Variants in TRIM5 observed in about 807,000 individuals in gnomAD.
The protein encoded by TRIM5 is tripartite motif containing 5.
A neutral mutation model predicts 35.6 loss-of-function variants in TRIM5; 31 were observed. That is an observed-to-expected ratio of 0.87 (90% confidence interval 0.65 to 1.18). The LOEUF (loss-of-function observed/expected upper bound fraction) is 1.18, where lower values mean the gene tolerates loss of function less well. TRIM5 is among the 50% of genes most tolerant of loss of function. TRIM5 has a pLI of 0.00. For missense variants in TRIM5, 609 were observed against 591.6 expected (o/e 1.03, Z -0.31); for synonymous variants, 243 against 215.6 (o/e 1.13, Z -1.11).
the TRIM5 span, among the ~76,000 whole-genome samples, chr11:5,638,993 T>G: frequency 6.6e-6 from 1 of 152,188 alleles, no homozygotes; most frequent in Non-Finnish European, 1.5e-5. Flanking sequence ...TTTCAATCTA[T>G]ATCTATCTTT....
At chr11:5,604,841 A>C in the TRIM5 span, 2 of 520,836 alleles carry the variant, frequency 3.8e-6, no homozygotes, top group Non-Finnish European at 6.6e-6. Flanking sequence ...AGACAATCAC[A>C]TAGCAGAGGA....
intron 4 of TRIM5, among the ~76,000 whole-genome samples, chr11:5,673,254 A>G (rs1180912285): frequency 6.6e-6 from 1 of 152,122 alleles, no homozygotes; most frequent in Non-Finnish European, 1.5e-5. Flanking sequence ...TGCAAGCAGT[A>G]ACCATAAGAC....
chr11:5,665,797 G>A lies in TRIM5; in HGVS notation c.869-115C>T, dbSNP rs1851087031. On this transcript the variant is annotated intron_variant, in intron 6 of 7. Transcript: ENST00000380034. ...ATGCCCTATGGTAGGGCAGTAAATT[G>A]CTGAATGATGAGATGAAACAGCCAC... The A allele has an allele frequency of 4.2e-6, 6 of 1,421,734 alleles. No homozygotes were observed. The East Asian group carries it at 1.2e-4, about 29-fold the overall frequency. 88.1% of individuals were successfully genotyped at this position (1,421,734 alleles called of 1,614,324 possible).
At chr11:5,608,429 G>C in the TRIM5 span, 2 of 1,612,186 alleles carry the variant, frequency 1.2e-6, no homozygotes, top group Non-Finnish European at 1.7e-6. Flanking sequence ...AGTTCCCCTG[G>C]ACTGACAAAT....
chr11:5,625,547 C>T, the TRIM5 span, among the ~76,000 whole-genome samples: 3 of 152,118 alleles, frequency 2.0e-5, no homozygotes, highest in Non-Finnish European at 4.4e-5. Flanking sequence ...CATGGGAGCA[C>T]GGCCAGGGGT....
the TRIM5 span, among the ~76,000 whole-genome samples, chr11:5,609,506 G>A: frequency 3.9e-5 from 6 of 152,086 alleles, no homozygotes; most frequent in African/African-American, 1.4e-4. Flanking sequence ...TCTTTTTTTA[G>A]AGGTAGCAAA....
chr11:5,670,323 T>A lies in TRIM5; in HGVS notation c.745-2612A>T, dbSNP rs190072810. Among the ~76,000 whole-genome samples, 727 of 148,096 alleles carry A rather than the reference T, an allele frequency of 4.9e-3. 2 individuals carry two copies. The highest frequency in any genetic ancestry group is 7.3e-3 in the Non-Finnish European group (483 of 66,478). On this transcript the variant is annotated intron_variant, in intron 4 of 7. Coordinates refer to ENST00000380034, the MANE Select transcript of TRIM5 (RefSeq NM_033034.3). The stretch of plus-strand genomic sequence containing the variant: ...CTCCCGAGTAGCTGGGACTACAGGC[T>A]CCCACCACCACACCCAGCTAATTTT...
At chr11:5,611,433 T>C in the TRIM5 span, 16 of 1,150,610 alleles carry the variant, frequency 1.4e-5, no homozygotes, top group South Asian at 2.3e-4. Context: ...TTCTGTGTTC[T>C]CAATTCTTTT....
the TRIM5 span, chr11:5,644,381 T>C: frequency 5.0e-6 from 2 of 396,904 alleles, no homozygotes; most frequent in Non-Finnish European, 8.9e-6. Context: ...AAATATTTGC[T>C]CTCATGATTG....
At chr11:5,647,399 A>C in the TRIM5 span, among the ~76,000 whole-genome samples, 1 of 152,232 alleles carries the variant, frequency 6.6e-6, no homozygotes, top group Non-Finnish European at 1.5e-5. Context: ...TTTTAAATCT[A>C]AATAGAATCA....
chr11:5,602,314 G>A, the TRIM5 span, among the ~76,000 whole-genome samples: 2 of 151,962 alleles, frequency 1.3e-5, no homozygotes, highest in African/African-American at 2.4e-5. Flanking sequence ...ATAGTGGCAG[G>A]CACCTGTAAT....
the TRIM5 span, among the ~76,000 whole-genome samples, chr11:5,653,148 G>A: frequency 1.3e-5 from 2 of 152,222 alleles, no homozygotes; most frequent in Non-Finnish European, 2.9e-5. Context: ...CACTGTACCC[G>A]GCCATCTCTG....
At chr11:5,606,040 A>G in the TRIM5 span, among the ~76,000 whole-genome samples, 1 of 152,316 alleles carries the variant, frequency 6.6e-6, no homozygotes, top group African/African-American at 2.4e-5. Context: ...GGGTGAACAC[A>G]GTGCTCTCCC....
the TRIM5 span, among the ~76,000 whole-genome samples, chr11:5,596,399 CTA>C: frequency 0.97 from 146,522 of 151,236 alleles, 71,143 homozygotes; most frequent in Middle Eastern, 1. Context: ...AACCTCTATT[CTA>C]CAAGCTGAAG....
At chr11:5,635,673 C>T in the TRIM5 span, among the ~76,000 whole-genome samples, 1 of 152,194 alleles carries the variant, frequency 6.6e-6, no homozygotes, top group East Asian at 1.9e-4. Flanking sequence ...CAAATATTTC[C>T]TTTTTAAGAT....
At chr11:5,619,278 T>G in the TRIM5 span, among the ~76,000 whole-genome samples, 6 of 152,224 alleles carry the variant, frequency 3.9e-5, no homozygotes, top group African/African-American at 1.4e-4. Flanking sequence ...CAAAACAGTT[T>G]CAGTGGTAAC....
chr11:5,641,853 C>G, the TRIM5 span, among the ~76,000 whole-genome samples: 1 of 152,176 alleles, frequency 6.6e-6, no homozygotes, highest in African/African-American at 2.4e-5. Flanking sequence ...GTTGTCATAA[C>G]TTCTCCTTTG....
At chr11:5,660,007 C>T (rs192366442), downstream of TRIM5, among the ~76,000 whole-genome samples, 722 of 151,974 alleles carry the variant, frequency 4.8e-3, 9 homozygotes, top group African/African-American at 0.016. Flanking sequence ...AACGGAGTCT[C>T]GCTCTGTCGC....
At chr11:5,626,349 C>T in the TRIM5 span, among the ~76,000 whole-genome samples, 1 of 152,178 alleles carries the variant, frequency 6.6e-6, no homozygotes, top group East Asian at 1.9e-4. Context: ...ATGACTAATA[C>T]TATGGAGTAA....
Sources: gnomAD v4.1 joint callset for allele counts (sites outside exome capture counted in the v4.1 genomes callset) on GRCh38, gnomAD v4.1.1 for gene constraint, MANE v1.5 for transcripts, NCBI Gene and HGNC (gene_info 2026-07-23, HGNC 2026-07-21) for gene names.